Variants in PARD3B observed in about 807,000 individuals in gnomAD.
The protein encoded by PARD3B is par-3 family cell polarity regulator beta.
A neutral mutation model predicts 130.2 loss-of-function variants in PARD3B; 103 were observed. The ratio of observed to expected loss-of-function variants is 0.79; its 90% CI spans 0.67 to 0.93. PARD3B has a LOEUF of 0.93. Ranked by LOEUF, PARD3B falls within the 40% of genes least tolerant of loss-of-function variation. The probability of loss-of-function intolerance (pLI) is 0.00; values close to 1 mark genes in which losing one functional copy is unlikely to be tolerated. For missense variants in PARD3B, 1,609 were observed against 1,499.2 expected (o/e 1.07, Z -1.21); for synonymous variants, 583 against 553.2 (o/e 1.05, Z -0.76).
chr2:204,927,638 A>G (rs1002684373), intron 2 of PARD3B, among the ~76,000 whole-genome samples: 41 of 151,456 alleles, frequency 2.7e-4, no homozygotes, highest in Non-Finnish European at 1.0e-4. Flanking sequence ...AATGGTTTGA[A>G]TTGATACAGG....
At chr2:205,126,596 AT>A (rs979736693) in intron 10 of PARD3B, among the ~76,000 whole-genome samples, 2 of 150,742 alleles carry the variant, frequency 1.3e-5, no homozygotes, top group Non-Finnish European at 3.0e-5. Flanking sequence ...AAAAAAAAAA[AT>A]TAGCCGGGCG....
rs964143365 is a variant in PARD3B, at chr2:205,561,528, G to C, written c.3260+8125G>C. ...AGTACTTCTCTGTGCGACAAGGCCA[G>C]CTTGTCAAATAAGATGCTTCATGAG... On this transcript the variant is annotated intron_variant, in intron 22 of 22. Coordinates refer to ENST00000406610, the MANE Select transcript of PARD3B (RefSeq NM_001302769.2). Among the ~76,000 whole-genome samples, 4 of 152,218 alleles carry C rather than the reference G, an allele frequency of 2.6e-5. 1 individual carries two copies. The highest frequency in any genetic ancestry group is 9.6e-5 in the African/African-American group (4 of 41,454).
intron 21 of PARD3B, among the ~76,000 whole-genome samples, chr2:205,541,529 A>G (rs1323800358): frequency 6.6e-6 from 1 of 151,986 alleles, no homozygotes. Context: ...TTGTATTTTT[A>G]GTAGAGACGG....
intron 20 of PARD3B, among the ~76,000 whole-genome samples, chr2:205,459,426 A>G (rs1170650709): frequency 6.6e-6 from 1 of 152,132 alleles, no homozygotes; most frequent in African/African-American, 2.4e-5. Context: ...GTTGACAACA[A>G]TATATGGTTA....
At chr2:205,307,262 T>C (rs1489848471) in intron 18 of PARD3B, among the ~76,000 whole-genome samples, 1 of 152,224 alleles carries the variant, frequency 6.6e-6, no homozygotes, top group Non-Finnish European at 1.5e-5. Flanking sequence ...CTTGATCCTT[T>C]TGAAAAAATT....
chr2:205,197,513 A>G (rs2036761899), intron 15 of PARD3B, among the ~76,000 whole-genome samples: 1 of 152,138 alleles, frequency 6.6e-6, no homozygotes, highest in South Asian at 2.1e-4. Flanking sequence ...ATTAATTCCT[A>G]TATATACATT....
At chr2:205,209,670 TCTG>T (rs1411625356) in intron 15 of PARD3B, among the ~76,000 whole-genome samples, 1 of 151,826 alleles carries the variant, frequency 6.6e-6, no homozygotes, top group African/African-American at 2.4e-5. Context: ...AATTATCCCT[TCTG>T]AATATTTTGA....
chr2:205,172,432 A>C (rs1232316935), intron 12 of PARD3B, 51 bp downstream of exon 12: 14 of 1,552,550 alleles, frequency 9.0e-6, no homozygotes, highest in Non-Finnish European at 1.2e-5. Context: ...TGCCACCAGA[A>C]TATGCAGACT....
intron 1 of PARD3B, among the ~76,000 whole-genome samples, chr2:204,584,687 T>C (rs2032740853): frequency 6.6e-6 from 1 of 152,158 alleles, no homozygotes; most frequent in Admixed American, 6.5e-5. Context: ...TTTTAAAAGC[T>C]CTCCAGTCCC....
chr2:204,819,875 T>C (rs560732968), intron 2 of PARD3B, among the ~76,000 whole-genome samples: 24 of 151,976 alleles, frequency 1.6e-4, no homozygotes, highest in Non-Finnish European at 2.6e-4. Context: ...TAACGAAGGC[T>C]GAGAAGAGGT....
chr2:204,796,836 T>C (rs2125489954), intron 2 of PARD3B, among the ~76,000 whole-genome samples: 1 of 152,332 alleles, frequency 6.6e-6, no homozygotes, highest in African/African-American at 2.4e-5. Flanking sequence ...TGCCTCTGGC[T>C]ATGCTAAATT....
chr2:204,576,514 G>A (rs888522374), intron 1 of PARD3B, among the ~76,000 whole-genome samples: 2 of 152,128 alleles, frequency 1.3e-5, no homozygotes, highest in African/African-American at 4.8e-5. Flanking sequence ...ATGACAGCAT[G>A]CATGTGTGTG....
chr2:205,471,574 G>A (rs2048837142), intron 20 of PARD3B, among the ~76,000 whole-genome samples: 1 of 151,692 alleles, frequency 6.6e-6, no homozygotes, highest in South Asian at 2.1e-4. Context: ...TGTTAGCCAG[G>A]CTGGTCTCAA....
intron 3 of PARD3B, among the ~76,000 whole-genome samples, chr2:205,020,425 A>G (rs1696508052): frequency 1.3e-5 from 2 of 152,136 alleles, no homozygotes; most frequent in South Asian, 4.1e-4. Context: ...CTAGAAGCAT[A>G]CTAGGTGCTT....
At chr2:205,226,197 A>G (rs910676205) in intron 15 of PARD3B, among the ~76,000 whole-genome samples, 2 of 152,096 alleles carry the variant, frequency 1.3e-5, no homozygotes, top group South Asian at 4.1e-4. Flanking sequence ...GCCTGCCACC[A>G]CGCCCGGCTA....
intron 2 of PARD3B, among the ~76,000 whole-genome samples, chr2:204,766,995 T>TATTTTTTA (rs1553519516): frequency 2.2e-5 from 3 of 137,378 alleles, no homozygotes; most frequent in Admixed American, 7.3e-5. Flanking sequence ...TTTTTTATTT[T>TATTTTTTA]ATTTTTTTAT....
In PARD3B at chr2:204,669,276, C is replaced by G. The variant is rs187323287; in HGVS notation, c.121-16905C>G. Among the ~76,000 whole-genome samples the G allele has an allele frequency of 6.3e-4, 96 of 152,080 alleles. 1 individual carries two copies. Among genetic ancestry groups the G allele is most frequent in the Non-Finnish European group, 7.6e-4 (52 of 67,976 alleles). On this transcript the variant is annotated intron_variant, in intron 1 of 22. Coordinates refer to ENST00000406610, the MANE Select transcript of PARD3B (RefSeq NM_001302769.2). This position sits in a 1 kb window ranked among gnomAD's most constrained non-coding sequence, Gnocchi z 4.3. ...TATAATTTTTCCTAGAAGAGTTAGC[C>G]TATTTTTACTTTATAGGATCAAGGG...
intron 16 of PARD3B, among the ~76,000 whole-genome samples, chr2:205,279,380 A>G (rs1241466562): frequency 1.3e-5 from 2 of 152,116 alleles, no homozygotes; most frequent in Admixed American, 1.3e-4. Context: ...AACTAACGCC[A>G]TTGGAGGACT....
chr2:205,474,480 C>T (rs1183266446), intron 20 of PARD3B, among the ~76,000 whole-genome samples: 1 of 152,062 alleles, frequency 6.6e-6, no homozygotes, highest in Admixed American at 6.6e-5. Context: ...TGATATTTTC[C>T]TGTGTCAATT....
Sources: gnomAD v4.1 joint callset for allele counts (sites outside exome capture counted in the v4.1 genomes callset) on GRCh38, gnomAD v4.1.1 for gene constraint, Gnocchi (gnomAD v3.1) non-coding constraint, MANE v1.5 for transcripts, NCBI Gene and HGNC (gene_info 2026-07-23, HGNC 2026-07-21) for gene names.